Variants in CSMD1 observed in about 807,000 individuals in gnomAD.
CSMD1 encodes CUB and sushi domain-containing protein 1.
A neutral mutation model predicts 417.5 loss-of-function variants in CSMD1; 213 were observed. That is an observed-to-expected ratio of 0.51 (90% CI 0.46 to 0.57). The LOEUF (loss-of-function observed/expected upper bound fraction) is 0.57, where lower values mean the gene tolerates loss of function less well. Among genes scored for constraint, CSMD1 ranks in the 20% least tolerant of loss-of-function variants. CSMD1 has a pLI of 0.00. For synonymous variants in CSMD1, 2,862 were observed against 1,736.8 expected, an observed-to-expected ratio of 1.65 and a Z score of -16.11; for missense variants, 6,923 against 4,529.7, an observed-to-expected ratio of 1.53 and a Z score of -15.17.
chr8:4,270,282 C>G (rs1046207369), intron 3 of CSMD1, among the ~76,000 whole-genome samples: 1 of 152,152 alleles, frequency 6.6e-6, no homozygotes, highest in Non-Finnish European at 1.5e-5. Context: ...TAATTCACTA[C>G]AGTTACCTTC....
intron 5 of CSMD1, among the ~76,000 whole-genome samples, chr8:3,791,289 T>G (rs937627392): frequency 3.9e-5 from 6 of 152,214 alleles, no homozygotes; most frequent in Non-Finnish European, 5.9e-5. Flanking sequence ...CTCTAATTAA[T>G]GAACATAAAT....
At chr8:4,581,152 T>C (rs1048037816) in intron 2 of CSMD1, among the ~76,000 whole-genome samples, 2 of 152,232 alleles carry the variant, frequency 1.3e-5, no homozygotes, top group African/African-American at 2.4e-5. Context: ...AAGGATACCA[T>C]CTATGAACAC....
chr8:3,595,672 G>A (rs11984480), intron 8 of CSMD1, among the ~76,000 whole-genome samples: 1,626 of 152,240 alleles, frequency 0.011, 36 homozygotes, highest in African/African-American at 0.038. Context: ...CAGAAGCACC[G>A]CATTGACAAT....
At chr8:3,079,368 A>G (rs1364612963) in intron 49 of CSMD1, among the ~76,000 whole-genome samples, 1 of 152,222 alleles carries the variant, frequency 6.6e-6, no homozygotes, top group African/African-American at 2.4e-5. Flanking sequence ...ATAGCATGTG[A>G]TTTGACATTT....
At chr8:4,820,124 G>C (rs1236811525) in intron 1 of CSMD1, among the ~76,000 whole-genome samples, 1 of 152,116 alleles carries the variant, frequency 6.6e-6, no homozygotes, top group Admixed American at 6.5e-5. Flanking sequence ...TGGGACAGAG[G>C]CTAGAATTCT....
chr8:4,022,182 G>GTA (rs766026029), intron 4 of CSMD1, among the ~76,000 whole-genome samples: 166 of 57,768 alleles, frequency 2.9e-3, no homozygotes, highest in South Asian at 9.3e-3. Context: ...GTATATTTAT[G>GTA]TGTATATATA....
intron 5 of CSMD1, among the ~76,000 whole-genome samples, chr8:3,876,462 G>C (rs1288131038): frequency 6.6e-6 from 1 of 152,086 alleles, no homozygotes; most frequent in African/African-American, 2.4e-5. Flanking sequence ...GTCTCTTGTT[G>C]GAGAGTCCTA....
intron 1 of CSMD1, among the ~76,000 whole-genome samples, chr8:4,661,536 G>C (rs1185628079): frequency 1.3e-5 from 2 of 152,146 alleles, no homozygotes; most frequent in East Asian, 3.9e-4. Flanking sequence ...TAGGATCTTT[G>C]TAGTGATATA....
At position 4,138,541 on chromosome 8, in the gene CSMD1, C is replaced by T. The variant is rs181130250; in HGVS notation, c.416-106442G>A. 2.6e-5 allele frequency among the ~76,000 whole-genome samples: 4 copies of T among 152,146 alleles called. No individual in the cohort carries two copies. The East Asian group carries it at 7.7e-4, about 29-fold the overall frequency. ...AGACATATTTTGAGGAAAGTGATGG[C>T]TATTTTATCTAAGAAAGAATCCCCT... On this transcript the variant is annotated intron_variant, in intron 3 of 69. Coordinates refer to ENST00000635120, the MANE Select transcript of CSMD1 (RefSeq NM_033225.6).
intron 20 of CSMD1, among the ~76,000 whole-genome samples, chr8:3,363,893 GA>G (rs1809376935): frequency 6.6e-6 from 1 of 152,148 alleles, no homozygotes; most frequent in Non-Finnish European, 1.5e-5. Context: ...GTAGAATGGG[GA>G]TTGTGCAGGT....
chr8:4,440,171 G>C (rs1441742895), intron 2 of CSMD1, among the ~76,000 whole-genome samples: 1 of 152,084 alleles, frequency 6.6e-6, no homozygotes, highest in African/African-American at 2.4e-5. Flanking sequence ...TTTCTTTCTA[G>C]ATTAATAATG....
At chr8:4,497,484 G>C (rs993115297) in intron 2 of CSMD1, among the ~76,000 whole-genome samples, 1 of 152,166 alleles carries the variant, frequency 6.6e-6, no homozygotes, top group African/African-American at 2.4e-5. Context: ...GTTATAACCT[G>C]TCATCTCTCT....
At chr8:3,693,450 G>T (rs1163439560) in intron 7 of CSMD1, among the ~76,000 whole-genome samples, 2 of 152,124 alleles carry the variant, frequency 1.3e-5, no homozygotes, top group Non-Finnish European at 1.5e-5. Flanking sequence ...GCTGGGTATT[G>T]ATACGAGGAG....
At chr8:4,007,422 A>G (rs1323733200) in intron 4 of CSMD1, among the ~76,000 whole-genome samples, 1 of 152,086 alleles carries the variant, frequency 6.6e-6, no homozygotes, top group Admixed American at 6.5e-5. Flanking sequence ...GGCCTTTGCA[A>G]TGACCACCTG....
At chr8:3,745,714 A>T (rs1415210795) in intron 6 of CSMD1, among the ~76,000 whole-genome samples, 5 of 152,238 alleles carry the variant, frequency 3.3e-5, no homozygotes, top group Non-Finnish European at 7.3e-5. Flanking sequence ...ACCTCCTCAG[A>T]GTAGATTCCT....
chr8:4,279,203 C>G (rs1333733655), intron 3 of CSMD1, among the ~76,000 whole-genome samples: 2 of 151,514 alleles, frequency 1.3e-5, no homozygotes, highest in South Asian at 2.1e-4. Flanking sequence ...GCAGTATACA[C>G]ACTAACACAC....
chr8:3,885,769 GTTTA>G (rs910734701), intron 5 of CSMD1, among the ~76,000 whole-genome samples: 1 of 152,110 alleles, frequency 6.6e-6, no homozygotes, highest in African/African-American at 2.4e-5. Flanking sequence ...CTGGAGTCAA[GTTTA>G]TTTATGACAG....
intron 6 of CSMD1, among the ~76,000 whole-genome samples, chr8:3,750,320 G>GTA (rs148681240): frequency 0.014 from 2,073 of 149,736 alleles, 46 homozygotes; most frequent in African/African-American, 0.048. Flanking sequence ...CACTTTATAT[G>GTA]TATATATATA....
At chr8:4,001,697 G>A (rs537641544) in intron 4 of CSMD1, among the ~76,000 whole-genome samples, 18 of 152,246 alleles carry the variant, frequency 1.2e-4, no homozygotes, top group African/African-American at 4.3e-4. Context: ...ATGAATGAGT[G>A]GATCATGGAG....
Sources: allele counts gnomAD v4.1 joint callset (sites outside exome capture counted in the v4.1 genomes callset), GRCh38; gene constraint gnomAD v4.1.1; transcripts MANE v1.5; gene names NCBI Gene and HGNC (gene_info 2026-07-23, HGNC 2026-07-21).